Variants in PACRG observed in about 807,000 individuals in gnomAD.
PACRG encodes parkin coregulated gene protein.
PACRG carries 29 observed loss-of-function variants against 29.7 expected under a neutral mutation model. That is an observed-to-expected ratio of 0.98 (90% CI 0.73 to 1.33). PACRG has a LOEUF of 1.33. Among genes scored for constraint, PACRG ranks in the 40% most tolerant of loss-of-function variants. The pLI, the probability that PACRG is intolerant of heterozygous loss-of-function variation, is 0.00. For missense variants in PACRG, 279 were observed against 316.2 expected (o/e 0.88, Z 0.89); for synonymous variants, 116 against 118.7 (o/e 0.98, Z 0.15).
At chr6:162,883,127 G>GGGTCCCT (rs1794039508) in intron 2 of PACRG, among the ~76,000 whole-genome samples, 1 of 151,632 alleles carries the variant, frequency 6.6e-6, no homozygotes, top group Non-Finnish European at 1.5e-5. Context: ...CAGAATTAAA[G>GGGTCCCT]TCTATGTTTC....
intron 1 of PACRG, among the ~76,000 whole-genome samples, chr6:162,737,319 T>C (rs1030192396): frequency 2.0e-5 from 3 of 152,186 alleles, no homozygotes; most frequent in African/African-American, 7.2e-5. Context: ...AGATTGCAAA[T>C]TGTAATCACT....
At chr6:163,280,244 G>A (rs1431247978) in intron 4 of PACRG, among the ~76,000 whole-genome samples, 1 of 152,158 alleles carries the variant, frequency 6.6e-6, no homozygotes, top group African/African-American at 2.4e-5. Context: ...TGTTGCTGCC[G>A]TGTCCTGAGC....
chr6:162,967,390 T>G (rs574636287), intron 2 of PACRG, among the ~76,000 whole-genome samples: 10 of 152,354 alleles, frequency 6.6e-5, no homozygotes, highest in African/African-American at 2.4e-4. Context: ...CTACCTAATT[T>G]CATAAGGTTT....
chr6:163,298,421 C>A, intron 4 of PACRG, among the ~76,000 whole-genome samples: 1 of 152,338 alleles, frequency 6.6e-6, no homozygotes, highest in East Asian at 1.9e-4. Context: ...AAAGCAGGCA[C>A]CCGTATGTGT....
chr6:162,762,591 A>G (rs1782461194), intron 1 of PACRG, among the ~76,000 whole-genome samples: 1 of 152,148 alleles, frequency 6.6e-6, no homozygotes, highest in Non-Finnish European at 1.5e-5. Context: ...GCTTTAGAAA[A>G]CGATGTCTAT....
intron 2 of PACRG, among the ~76,000 whole-genome samples, chr6:162,878,438 A>ATTTTAC (rs1793555760): frequency 6.6e-6 from 1 of 152,288 alleles, no homozygotes; most frequent in South Asian, 2.1e-4. Flanking sequence ...AATAAAATCT[A>ATTTTAC]TTTTACTTTT....
At chr6:163,161,712 C>T (rs1778563530) in intron 4 of PACRG, among the ~76,000 whole-genome samples, 1 of 152,096 alleles carries the variant, frequency 6.6e-6, no homozygotes, top group Non-Finnish European at 1.5e-5. Flanking sequence ...TTGTCAAGGT[C>T]CTCATTTTCT....
intron 1 of PACRG, among the ~76,000 whole-genome samples, chr6:162,729,559 CTA>C (rs1374925800): frequency 6.6e-6 from 1 of 152,122 alleles, no homozygotes; most frequent in East Asian, 1.9e-4. Flanking sequence ...CTTGTTGTAA[CTA>C]ATTCTTTTTC....
chr6:162,823,372 C>G (rs9365493), intron 2 of PACRG, among the ~76,000 whole-genome samples: 1 of 151,970 alleles, frequency 6.6e-6, no homozygotes, highest in Non-Finnish European at 1.5e-5. Context: ...TACTCTGTCC[C>G]AATTTTCTGT....
At chr6:162,984,102 G>A (rs1026049527) in intron 2 of PACRG, among the ~76,000 whole-genome samples, 1 of 151,896 alleles carries the variant, frequency 6.6e-6, no homozygotes, top group Non-Finnish European at 1.5e-5. Context: ...GGTGACTTAT[G>A]AGATTTTGGT....
intron 2 of PACRG, among the ~76,000 whole-genome samples, chr6:163,049,737 A>G (rs1562866560): frequency 6.6e-6 from 1 of 152,090 alleles, no homozygotes; most frequent in South Asian, 2.1e-4. Flanking sequence ...CAACCCTGAA[A>G]TACCATTTTT....
intron 2 of PACRG, among the ~76,000 whole-genome samples, chr6:162,949,038 A>G: frequency 6.6e-6 from 1 of 152,132 alleles, no homozygotes; most frequent in Non-Finnish European, 1.5e-5. Flanking sequence ...GTATATCAAA[A>G]AGATATCTGC....
At chr6:162,733,366 T>A (rs1207532389) in intron 1 of PACRG, among the ~76,000 whole-genome samples, 1 of 152,254 alleles carries the variant, frequency 6.6e-6, no homozygotes, top group Non-Finnish European at 1.5e-5. Context: ...CTTTTTAATC[T>A]TAACCAGAAC....
In PACRG at chr6:163,148,961, CGGGGGGGGGGGGGG is replaced by C. The variant is rs58611407; in HGVS notation, c.613+59560_613+59573del. 3.3e-4 allele frequency among the ~76,000 whole-genome samples: 3 copies of C among 9,062 alleles called. 1 individual carries two copies. The highest frequency in any genetic ancestry group is 3.9e-3 in the Admixed American group (2 of 514). The allele number at this position is 9,062 out of a possible 152,430, so 5.9% of individuals were successfully genotyped here. On this transcript the variant is annotated intron_variant, in intron 4 of 4. Transcript: ENST00000366888. The stretch of plus-strand genomic sequence containing the variant: ...TGAGGGTTTTGTGAAAAATCTATGG[CGGGGGGGGGGGGGG>C]GGGGGGTGGAAAAATGTCCCTGACG...
At chr6:162,820,929 T>G (rs1175077477) in intron 2 of PACRG, among the ~76,000 whole-genome samples, 2 of 152,092 alleles carry the variant, frequency 1.3e-5, no homozygotes, top group African/African-American at 4.8e-5. Flanking sequence ...ATTTCCTTTG[T>G]GATTAATTAA....
intron 4 of PACRG, among the ~76,000 whole-genome samples, chr6:163,281,956 G>A (rs1394223333): frequency 6.6e-6 from 1 of 151,990 alleles, no homozygotes; most frequent in Non-Finnish European, 1.5e-5. Flanking sequence ...TGCACAAGAA[G>A]CAGATCAAGT....
chr6:162,862,624 A>G (rs549997616), intron 2 of PACRG, among the ~76,000 whole-genome samples: 80 of 152,326 alleles, frequency 5.3e-4, no homozygotes, highest in African/African-American at 1.9e-3. Context: ...AAGATCCAGG[A>G]CTAGTACAGA....
chr6:162,940,655 C>G (rs568064574), intron 2 of PACRG, among the ~76,000 whole-genome samples: 337 of 152,280 alleles, frequency 2.2e-3, no homozygotes, highest in Non-Finnish European at 3.5e-3. Context: ...TGCTCCGTGC[C>G]TGGACCGGCT....
intron 2 of PACRG, among the ~76,000 whole-genome samples, chr6:162,858,302 C>T (rs915045226): frequency 3.3e-5 from 5 of 151,982 alleles, no homozygotes; most frequent in African/African-American, 4.8e-5. Flanking sequence ...ATAGAGAAGG[C>T]GGAAGTGCCA....
Sources: gnomAD v4.1 joint callset for allele counts (sites outside exome capture counted in the v4.1 genomes callset) on GRCh38, gnomAD v4.1.1 for gene constraint, MANE v1.5 for transcripts, NCBI Gene and HGNC (gene_info 2026-07-23, HGNC 2026-07-21) for gene names.